LTBP1: variants seen among roughly 807,000 people sequenced by gnomAD.
LTBP1 encodes the protein latent transforming growth factor beta binding protein 1, also known as latent-transforming growth factor beta-binding protein 1.
In LTBP1, 129 loss-of-function variants were observed where a neutral mutation model predicts 207.6. That is an observed-to-expected ratio of 0.62 (90% CI 0.54 to 0.72). The LOEUF is 0.72. LTBP1 is among the 30% of genes least tolerant of loss of function. The pLI is 0.00. For missense variants in LTBP1, 2,281 were observed against 2,217.2 expected, an observed-to-expected ratio of 1.03 and a Z score of -0.58; for synonymous variants, 963 against 833.7, an observed-to-expected ratio of 1.16 and a Z score of -2.67.
intron 7 of LTBP1, among the ~76,000 whole-genome samples, chr2:33,196,181 A>T (rs2088541811): frequency 6.6e-6 from 1 of 152,110 alleles, no homozygotes; most frequent in Non-Finnish European, 1.5e-5. Flanking sequence ...CATATCTGAG[A>T]TATTGCCCGT....
chr2:33,152,195 C>G (rs2083593625), intron 5 of LTBP1, among the ~76,000 whole-genome samples: 1 of 152,038 alleles, frequency 6.6e-6, no homozygotes, highest in Non-Finnish European at 1.5e-5. Context: ...TATCCAGAAT[C>G]TACAAGGAAC....
intron 4 of LTBP1, among the ~76,000 whole-genome samples, chr2:33,130,591 T>G (rs1209969881): frequency 6.6e-6 from 1 of 152,176 alleles, no homozygotes; most frequent in Non-Finnish European, 1.5e-5. Flanking sequence ...GAAAGCTTTT[T>G]ATCACGGGAG....
rs371398014 is a variant in LTBP1 at position 33,280,181 on chromosome 2, C to G, written c.3112+23C>G. ...TTGGTAGGTACTATAGTGTACTTAT[C>G]AAAGATTTGTTTCTTCTGCATGGCC... On this transcript the variant is annotated intron_variant, in intron 19 of 33. Transcript: ENST00000404816. The G allele has an allele frequency of 2.6e-5, 41 of 1,591,298 alleles. No individual in the cohort carries two copies. In the African/African-American group the frequency reaches 5.1e-4, roughly 20 times the overall value.
chr2:33,056,734 A>G (rs772768814), intron 3 of LTBP1, among the ~76,000 whole-genome samples: 1 of 151,992 alleles, frequency 6.6e-6, no homozygotes, highest in Non-Finnish European at 1.5e-5. Context: ...GTTACAGCTC[A>G]TAAAGGCAGT....
chr2:33,162,473 T>C (rs7572753), intron 5 of LTBP1, among the ~76,000 whole-genome samples: 34,246 of 152,148 alleles, frequency 0.23, 4,743 homozygotes, highest in Non-Finnish European at 0.32. Context: ...ACTCTGAACA[T>C]TTTTATGCTA....
intron 3 of LTBP1, among the ~76,000 whole-genome samples, chr2:33,038,166 T>A (rs180745826): frequency 5.4e-4 from 82 of 152,374 alleles, no homozygotes; most frequent in Non-Finnish European, 4.4e-5. Context: ...ACTTTTTAAT[T>A]TGAATGCCAA....
At chr2:33,040,612 C>T (rs1199575544) in intron 3 of LTBP1, among the ~76,000 whole-genome samples, 1 of 152,190 alleles carries the variant, frequency 6.6e-6, no homozygotes, top group East Asian at 1.9e-4. Context: ...CTGTCTCTTC[C>T]CTCTTCCTGC....
At chr2:33,179,483 G>C (rs1231715966) in intron 5 of LTBP1, among the ~76,000 whole-genome samples, 1 of 151,764 alleles carries the variant, frequency 6.6e-6, no homozygotes, top group Non-Finnish European at 1.5e-5. Flanking sequence ...GATGCTCACT[G>C]ATGGGGAGTG....
In LTBP1 at chr2:33,280,123, C is replaced by T. The variant is rs558707756; in HGVS notation, c.3077C>T (p.Thr1026Ile). 13 of 1,614,090 alleles carry T rather than the reference C, an allele frequency of 8.1e-6. No individual in the cohort carries two copies. Among genetic ancestry groups the T allele is most frequent in the Non-Finnish European group, 1.0e-5 (12 of 1,179,972 alleles). The stretch of plus-strand genomic sequence containing the variant: ...GGATCTTACCAGTGCGTTCCCTGCA[C>T]AGAAGGATTCCGAGGCTGGAATGGA... ...SPGSYQCVPCTEGFRGWNGQC... is the reference protein window; with the variant it reads ...SPGSYQCVPCIEGFRGWNGQC... The change falls in exon 19 of 34, where the codon ACA (threonine) becomes ATA (isoleucine). Residue 1026 changes from threonine to isoleucine, a missense_variant. Physicochemically the swap from Thr to Ile is moderately conservative, Grantham distance 89. This residue lies in a region of LTBP1 where 1,671 missense variants were observed against 1,634.8 expected (regional missense o/e 1.02). Coordinates refer to ENST00000404816, the MANE Select transcript of LTBP1 (RefSeq NM_206943.4).
intron 5 of LTBP1, among the ~76,000 whole-genome samples, chr2:33,185,079 A>G (rs1308146672): frequency 6.6e-6 from 1 of 152,206 alleles, no homozygotes; most frequent in East Asian, 1.9e-4. Flanking sequence ...GCCAGATGGA[A>G]AGAATGTTCC....
intron 29 of LTBP1, 55 bp from the exon 30 acceptor site, chr2:33,364,161 A>G: frequency 4.5e-6 from 7 of 1,569,442 alleles, no homozygotes; most frequent in Admixed American, 1.8e-5. Flanking sequence ...TGGGAAGTGT[A>G]TGAGGTACAA....
chr2:33,112,138 T>C (rs17012582), intron 4 of LTBP1, among the ~76,000 whole-genome samples: 26,322 of 152,170 alleles, frequency 0.17, 2,787 homozygotes, highest in Middle Eastern at 0.23. Flanking sequence ...AGTTTATGAT[T>C]ATACTGATAA....
intron 2 of LTBP1, among the ~76,000 whole-genome samples, chr2:32,990,699 A>G (rs764170110): frequency 1.3e-5 from 2 of 152,178 alleles, no homozygotes; most frequent in South Asian, 4.1e-4. Context: ...CCTGTTTTGC[A>G]CAGTAGTGCA....
Position 33,253,659 on chromosome 2 carries a change from C to T in LTBP1, c.2167+815C>T, listed in dbSNP as rs527537780. On this transcript the variant is annotated intron_variant, in intron 11 of 33. Coordinates refer to ENST00000404816, the MANE Select transcript of LTBP1 (RefSeq NM_206943.4). ...CTACCTAGGAAAGTGTCTTAACTCT[C>T]ACAGGGCCATGTAGTGTCTTAAAGC... 5.3e-5 allele frequency among the ~76,000 whole-genome samples: 8 copies of T among 152,258 alleles called. No homozygotes were observed. The South Asian group carries it at 1.7e-3, about 32-fold the overall frequency.
At chr2:33,332,642 C>G (rs889430552) in intron 24 of LTBP1, among the ~76,000 whole-genome samples, 12 of 151,740 alleles carry the variant, frequency 7.9e-5, no homozygotes, top group African/African-American at 2.7e-4. Context: ...CTGCAAGCTC[C>G]ACCTCCCGGG....
rs370342146 is a variant in LTBP1, at chr2:33,197,341, A to G, written c.1701+8490A>G. Among the ~76,000 whole-genome samples the G allele has an allele frequency of 2.6e-5, 4 of 152,326 alleles. No homozygotes were observed. In the East Asian group the frequency reaches 7.7e-4, roughly 29 times the overall value. ...GTTGTGGTAGTCTACATATATGTGA[A>G]AACATTTGCAAGAGTTTGCTCACTG... On this transcript the variant is annotated intron_variant, in intron 7 of 33. Coordinates refer to ENST00000404816, the MANE Select transcript of LTBP1 (RefSeq NM_206943.4).
intron 3 of LTBP1, among the ~76,000 whole-genome samples, chr2:33,076,074 G>A (rs572171505): frequency 1.3e-5 from 2 of 152,144 alleles, no homozygotes; most frequent in Admixed American, 6.5e-5. Context: ...AGGTATGTTT[G>A]GAGTTGTATG....
intron 24 of LTBP1, among the ~76,000 whole-genome samples, chr2:33,339,243 G>C (rs141699004): frequency 6.6e-6 from 1 of 151,866 alleles, no homozygotes; most frequent in Admixed American, 6.6e-5. Context: ...GAGGAGGGGA[G>C]TGATAATAAA....
chr2:33,013,385 T>TGAGG (rs1230624909), intron 2 of LTBP1, among the ~76,000 whole-genome samples: 1 of 152,136 alleles, frequency 6.6e-6, no homozygotes, highest in Non-Finnish European at 1.5e-5. Context: ...TCTATTTCTG[T>TGAGG]TCTTTTTTTC....
Sources: allele counts gnomAD v4.1 joint callset (sites outside exome capture counted in the v4.1 genomes callset), GRCh38; gene constraint gnomAD v4.1.1; regional missense constraint gnomAD v4.1.1; transcripts MANE v1.5; gene names NCBI Gene and HGNC (gene_info 2026-07-23, HGNC 2026-07-21).